Variants in TNIK observed in about 807,000 individuals in gnomAD.
The protein encoded by TNIK is TRAF2 and NCK interacting kinase, also known as TRAF2 and NCK-interacting protein kinase.
TNIK carries 49 observed loss-of-function variants against 191.3 expected under a neutral mutation model. The ratio of observed to expected loss-of-function variants is 0.26; its 90% CI spans 0.20 to 0.32. The LOEUF is 0.32. Ranked by LOEUF, TNIK falls within the 10% of genes least tolerant of loss-of-function variation. The pLI, the probability that TNIK is intolerant of heterozygous loss-of-function variation, is 1.00. For synonymous variants in TNIK, 594 were observed against 600.9 expected, an observed-to-expected ratio of 0.99 and a Z score of 0.17; for missense variants, 1,155 against 1,702.3, an observed-to-expected ratio of 0.68 and a Z score of 5.66.
At chr3:171,225,077 C>G (rs1043528698) in intron 3 of TNIK, among the ~76,000 whole-genome samples, 1 of 152,142 alleles carries the variant, frequency 6.6e-6, no homozygotes, top group Non-Finnish European at 1.5e-5. Flanking sequence ...TAGGTCATAG[C>G]ATGTAATTAA....
chr3:171,408,113 C>CT, intron 1 of TNIK, among the ~76,000 whole-genome samples: 1 of 152,122 alleles, frequency 6.6e-6, no homozygotes, highest in Admixed American at 6.5e-5. Flanking sequence ...TTGGTGGCAG[C>CT]TTCTTCTAAA....
intron 2 of TNIK, among the ~76,000 whole-genome samples, chr3:171,341,375 G>T (rs1208015390): frequency 6.7e-6 from 1 of 150,252 alleles, no homozygotes; most frequent in Non-Finnish European, 1.5e-5. Flanking sequence ...GGGAGGCTGA[G>T]GCAGGAGAAT....
intron 2 of TNIK, among the ~76,000 whole-genome samples, chr3:171,312,642 A>G (rs981411809): frequency 6.6e-6 from 1 of 152,136 alleles, no homozygotes; most frequent in Non-Finnish European, 1.5e-5. Context: ...CTGTTTCATC[A>G]TCAATTTTTA....
intron 30 of TNIK, among the ~76,000 whole-genome samples, 186 bp from the exon 31 acceptor site, chr3:171,066,921 A>G (rs528065816): frequency 3.0e-4 from 46 of 152,344 alleles, no homozygotes; most frequent in African/African-American, 1.1e-3. Flanking sequence ...TCACTAGATT[A>G]AAAATTCAAT....
chr3:171,210,868 A>C (rs1740726965), intron 4 of TNIK, among the ~76,000 whole-genome samples: 1 of 137,750 alleles, frequency 7.3e-6, no homozygotes, highest in Admixed American at 7.2e-5. Flanking sequence ...AAAAAAAAAA[A>C]CAGAGAACTT....
intron 2 of TNIK, among the ~76,000 whole-genome samples, chr3:171,347,958 C>A (rs1712534951): frequency 6.6e-6 from 1 of 152,082 alleles, no homozygotes; most frequent in Non-Finnish European, 1.5e-5. Flanking sequence ...AGCTTGAAAC[C>A]AAATAGTGCT....
chr3:171,322,373 TAA>T (rs1452642581), intron 2 of TNIK, among the ~76,000 whole-genome samples: 3 of 152,136 alleles, frequency 2.0e-5, no homozygotes, highest in Non-Finnish European at 4.4e-5. Flanking sequence ...AATTGTCAAA[TAA>T]GTCAGAAAAA....
intron 2 of TNIK, among the ~76,000 whole-genome samples, chr3:171,228,680 T>C (rs1204150064): frequency 6.6e-6 from 1 of 152,222 alleles, no homozygotes; most frequent in Non-Finnish European, 1.5e-5. Context: ...GATTGTTCAT[T>C]TATCTTTATC....
rs553311346 is a variant in TNIK, at chr3:171,159,141, G to A, written c.1017-1477C>T. On this transcript the variant is annotated intron_variant, in intron 11 of 32. Transcript: ENST00000436636. The surrounding 1 kb of genome is among the most constrained non-coding windows in gnomAD (Gnocchi z 4.1). ...AGGGGTACAGGGGCAAGCACAGCAA[G>A]CCGGACTGCTGCTGCAGAGTGGTTC... Among the ~76,000 whole-genome samples the A allele has an allele frequency of 6.6e-5, 10 of 152,326 alleles. No homozygotes were observed. Among genetic ancestry groups the A allele is most frequent in the African/African-American group, 2.4e-4 (10 of 41,584 alleles).
At chr3:171,313,278 A>T (rs190678315) in intron 2 of TNIK, among the ~76,000 whole-genome samples, 26 of 149,548 alleles carry the variant, frequency 1.7e-4, no homozygotes, top group African/African-American at 6.0e-4. Flanking sequence ...CTTTTTTTTT[A>T]AATAGCTGGG....
At chr3:171,114,013 AAAAAGC>A (rs1437024298) in intron 18 of TNIK, among the ~76,000 whole-genome samples, 28 of 151,716 alleles carry the variant, frequency 1.8e-4, no homozygotes, top group Non-Finnish European at 7.4e-5. Flanking sequence ...AAAAAAAAAA[AAAAAGC>A]AGCATTCTCA....
chr3:171,163,103 A>C (rs1734211678), intron 10 of TNIK, among the ~76,000 whole-genome samples: 1 of 152,190 alleles, frequency 6.6e-6, no homozygotes, highest in African/African-American at 2.4e-5. Flanking sequence ...TACAGTGCAT[A>C]ATATGTTCAG....
intron 30 of TNIK, among the ~76,000 whole-genome samples, chr3:171,068,286 ATAAGTCTTTTTATCCATATT>A (rs892941986): frequency 3.8e-4 from 58 of 152,290 alleles, no homozygotes; most frequent in African/African-American, 1.3e-3. Context: ...ATCCTATGGG[ATAAGTCTTTTTATCCATATT>A]TTACAGATGC....
chr3:171,363,695 TTTATC>T (rs555669922), intron 2 of TNIK, among the ~76,000 whole-genome samples: 190 of 152,326 alleles, frequency 1.2e-3, no homozygotes, highest in Middle Eastern at 3.4e-3. Context: ...ATTGAAATGT[TTTATC>T]TTATTTTAAC....
intron 2 of TNIK, among the ~76,000 whole-genome samples, chr3:171,311,381 G>A (rs758065965): frequency 6.6e-6 from 1 of 152,166 alleles, no homozygotes; most frequent in African/African-American, 2.4e-5. Context: ...AAGCTCACGA[G>A]TAAGCACCTA....
intron 1 of TNIK, among the ~76,000 whole-genome samples, chr3:171,426,622 C>A (rs1172690821): frequency 6.6e-6 from 1 of 152,090 alleles, no homozygotes; most frequent in Non-Finnish European, 1.5e-5. Flanking sequence ...GAGTTTTATT[C>A]AGGTCTACCT....
Position 171,093,756 on chromosome 3 carries a change from C to T in TNIK, c.2721+83G>A, listed in dbSNP as rs1053932007. 10 of 1,552,918 alleles carry T rather than the reference C, an allele frequency of 6.4e-6. No homozygotes were observed. The African/African-American group carries it at 1.1e-4, about 17-fold the overall frequency. Reference sequence around the variant, plus strand: ...AATTCCCCATACTTAAAATACATGCCATAGGCATTCTCTGTGAAAGCTTTA... The same window carrying T: ...AATTCCCCATACTTAAAATACATGCTATAGGCATTCTCTGTGAAAGCTTTA... On this transcript the variant is annotated intron_variant, in intron 23 of 32. Transcript: ENST00000436636.
At chr3:171,130,623 G>A (rs1036558118) in intron 15 of TNIK, among the ~76,000 whole-genome samples, 6 of 152,264 alleles carry the variant, frequency 3.9e-5, no homozygotes, top group East Asian at 1.9e-4. Context: ...CTGAGATCAA[G>A]GCATGCAATA....
In TNIK at chr3:171,126,106, C is replaced by A. The variant is rs757725594; in HGVS notation, c.1819G>T (p.Ala607Ser). The change falls in exon 17 of 33, where the codon GCC becomes TCC. Residue 607 changes from alanine (A) to serine (S), a missense_variant. Coordinates refer to ENST00000436636, the MANE Select transcript of TNIK (RefSeq NM_015028.4). ...AVKSQGPALT[A>S]SQSVHEQPTK... Reference sequence around the variant, plus strand: ...GGCTGCTCGTGCACTGACTGGGAGGCGGTCAAGGCAGGTCCCTGGGATTTT... The same window carrying A: ...GGCTGCTCGTGCACTGACTGGGAGGAGGTCAAGGCAGGTCCCTGGGATTTT... The A allele has an allele frequency of 1.3e-6, 2 of 1,583,232 alleles. No individual in the cohort carries two copies. Among genetic ancestry groups the A allele is most frequent in the Non-Finnish European group, 1.7e-6 (2 of 1,165,102 alleles).
Sources: gnomAD v4.1 joint callset for allele counts (sites outside exome capture counted in the v4.1 genomes callset) on GRCh38, gnomAD v4.1.1 for gene constraint, Gnocchi (gnomAD v3.1) non-coding constraint, MANE v1.5 for transcripts, NCBI Gene and HGNC (gene_info 2026-07-23, HGNC 2026-07-21) for gene names.